The following NCBP3 variants were observed in gnomAD, a reference collection of about 807,000 sequenced individuals.
NCBP3 encodes the protein nuclear cap-binding protein subunit 3.
NCBP3 carries 20 observed loss-of-function variants against 75.7 expected under a neutral mutation model. The ratio of observed to expected loss-of-function variants is 0.26; its 90% confidence interval spans 0.19 to 0.38. NCBP3 has a LOEUF of 0.38. NCBP3 is among the 10% of genes least tolerant of loss of function. The pLI, the probability that NCBP3 is intolerant of heterozygous loss-of-function variation, is 1.00. For missense variants in NCBP3, 678 were observed against 796.9 expected (o/e 0.85, Z 1.80); for synonymous variants, 293 against 290.5 (o/e 1.01, Z -0.09).
At position 3,813,318 on chromosome 17, in the gene NCBP3, G is replaced by A. The variant is rs138432044; in HGVS notation, c.1628-39C>T. 3.1e-5 allele frequency: 50 copies of A among 1,609,418 alleles called. 2 individuals are homozygous for A. In the Middle Eastern group the frequency reaches 6.3e-3, roughly 202 times the overall value. On this transcript the variant is annotated intron_variant, in intron 12 of 12. Coordinates refer to ENST00000389005, the MANE Select transcript of NCBP3 (RefSeq NM_001114118.3). ...ATGGCATTTCACTTTCGCAGTCAGCGCTAAGAACCAGGGTAGCACTGAGGG... is the reference window on the plus strand; with the variant it reads ...ATGGCATTTCACTTTCGCAGTCAGCACTAAGAACCAGGGTAGCACTGAGGG...
rs780748165 is a variant in NCBP3 at position 3,846,193 on chromosome 17, C to G, written c.31G>C (p.Val11Leu). The stretch of plus-strand genomic sequence containing the variant: ...GGCCCCGCCGGGGCCTCCGCCTTCA[C>G]CGACACCCGCAGGCCCCGTACGGCC... MAAVRGLRVS[V>L]KAEAPAGPAL... Residue 11 changes from valine (V) to leucine (L), a missense_variant, in exon 1 of 13, where the codon GTG (valine) becomes CTG (leucine). Val to Leu is a conservative substitution (Grantham distance 32). Transcript: ENST00000389005. This position sits in a 1 kb window ranked among gnomAD's most constrained non-coding sequence, Gnocchi z 4.6. 4.7e-5 allele frequency: 71 copies of G among 1,507,320 alleles called. 1 individual carries two copies. The highest frequency in any genetic ancestry group is 4.4e-5 in the Non-Finnish European group (50 of 1,129,390). The allele number at this position is 1,507,320 out of a possible 1,614,324, so 93.4% of individuals were successfully genotyped here.
At chr17:3,837,158 T>A (rs1365766907) in intron 3 of NCBP3, among the ~76,000 whole-genome samples, 51 of 140,476 alleles carry the variant, frequency 3.6e-4, no homozygotes, top group African/African-American at 8.3e-4. Context: ...AAAAAAAAAA[T>A]AAAAAATAAA....
intron 7 of NCBP3, among the ~76,000 whole-genome samples, chr17:3,823,621 C>T (rs894707661): frequency 3.9e-5 from 6 of 152,046 alleles, no homozygotes; most frequent in African/African-American, 1.4e-4. Flanking sequence ...TGAGGTCTTG[C>T]TATGTTGCCT....
intron 4 of NCBP3, among the ~76,000 whole-genome samples, chr17:3,827,134 A>C (rs2053803384): frequency 6.6e-6 from 1 of 151,658 alleles, no homozygotes; most frequent in African/African-American, 2.4e-5. Flanking sequence ...GAAAAGAAAG[A>C]AAAGGGTAGT....
intron 3 of NCBP3, among the ~76,000 whole-genome samples, chr17:3,834,366 C>T (rs989116171): frequency 3.3e-5 from 5 of 152,122 alleles, no homozygotes; most frequent in African/African-American, 7.2e-5. Flanking sequence ...GATGGTAGAC[C>T]GTGGGCAACT....
Position 3,846,004 on chromosome 17 carries a change from C to G in NCBP3, c.183+37G>C. On this transcript the variant is annotated intron_variant, in intron 1 of 12. Coordinates refer to ENST00000389005, the MANE Select transcript of NCBP3 (RefSeq NM_001114118.3). The surrounding 1 kb of genome is among the most constrained non-coding windows in gnomAD (Gnocchi z 4.6). ...CCCCTCCGGCGCTAGACACTAGCCC[C>G]GCGACCTCTTCCTTACCCCCCGACC... 1.3e-6 allele frequency: 2 copies of G among 1,537,870 alleles called. No homozygotes were observed. Among genetic ancestry groups the G allele is most frequent in the Non-Finnish European group, 1.8e-6 (2 of 1,140,452 alleles).
At chr17:3,842,987 A>C (rs1476032349) in intron 2 of NCBP3, 99 bp downstream of exon 2, 1 of 1,066,872 alleles carries the variant, frequency 9.4e-7, no homozygotes, top group Non-Finnish European at 1.4e-6. Flanking sequence ...ATCCAGCAAC[A>C]AAATAAAAGA....
chr17:3,818,474 C>G lies in NCBP3; in HGVS notation c.1099G>C (p.Asp367His). The G allele has an allele frequency of 6.2e-7, 1 of 1,614,030 alleles. No homozygotes were observed. The highest frequency in any genetic ancestry group is 8.5e-7 in the Non-Finnish European group (1 of 1,180,038). ...TCGTGGTACTCTACCACCACTCTGT[C>G]ATCTGCATCCATGTCCTGGTCTTCT... is the stretch of plus-strand genomic sequence containing the variant. ...EEEDQDMDAD[D>H]RVVVEYHEEL... The change falls in exon 10 of 13, where the codon GAC (aspartate) becomes CAC (histidine). Residue 367 changes from aspartate to histidine, a missense_variant. Asp to His is a moderately conservative substitution (Grantham distance 81). This residue lies in a region of NCBP3 where 365 missense variants were observed against 392.7 expected (regional missense o/e 0.93). Coordinates refer to ENST00000389005, the MANE Select transcript of NCBP3 (RefSeq NM_001114118.3). The surrounding 1 kb of genome is among the most constrained non-coding windows in gnomAD (Gnocchi z 4.7).
intron 3 of NCBP3, among the ~76,000 whole-genome samples, chr17:3,837,992 A>AT (rs370693601): frequency 7.8e-6 from 1 of 128,768 alleles, no homozygotes; most frequent in African/African-American, 2.6e-5. Context: ...AAAAAAAAAA[A>AT]TTTTTTTAAA....
intron 9 of NCBP3, among the ~76,000 whole-genome samples, chr17:3,821,012 AT>A (rs1404242755): frequency 2.6e-5 from 4 of 152,014 alleles, no homozygotes; most frequent in Middle Eastern, 3.2e-3. Flanking sequence ...TTTTGTTTTA[AT>A]TTTTCCTATG....
chr17:3,841,744 G>C (rs2054066905), intron 2 of NCBP3, among the ~76,000 whole-genome samples: 1 of 145,994 alleles, frequency 6.8e-6, no homozygotes. Flanking sequence ...GAGGCAGAGG[G>C]ATCAATTGAA....
In NCBP3 at chr17:3,821,229, A is replaced by G. The variant is rs765993512; in HGVS notation, c.1000+20T>C. 3 of 1,562,852 alleles carry G rather than the reference A, an allele frequency of 1.9e-6. No homozygotes were observed. In the East Asian group the frequency reaches 6.7e-5, roughly 35 times the overall value. On this transcript the variant is annotated intron_variant, in intron 9 of 12. Transcript: ENST00000389005. ...CAGGAGCCAAACATGTGTCTACCCA[A>G]GAGCTGAGCAGGCAACTACCAGAAT...
chr17:3,830,785 A>G (rs985734690), intron 3 of NCBP3, among the ~76,000 whole-genome samples: 1 of 151,374 alleles, frequency 6.6e-6, no homozygotes, highest in Non-Finnish European at 1.5e-5. Context: ...GGGTTTCACC[A>G]TGTTGGTCAG....
At position 3,816,148 on chromosome 17, in the gene NCBP3, CG is replaced by C; in HGVS notation, c.1432del (p.Arg478ValfsTer17). The C allele has an allele frequency of 6.2e-7, 1 of 1,614,034 alleles. No individual in the cohort carries two copies. The highest frequency in any genetic ancestry group is 8.5e-7 in the Non-Finnish European group (1 of 1,179,988). Reference sequence around the variant, plus strand: ...AGTACTGCTGACTGGTGGCCGTGGACGGGAGTGCTGACGTTTCTCATCTAAT... The same window carrying C: ...AGTACTGCTGACTGGTGGCCGTGGACGGAGTGCTGACGTTTCTCATCTAAT... ...HLLDEKRQHS[R>X]PRPPVSSTKS... is the part of the protein sequence containing the mutation. On this transcript the variant is annotated frameshift_variant, in exon 11 of 13. Coordinates refer to ENST00000389005, the MANE Select transcript of NCBP3 (RefSeq NM_001114118.3). LOFTEE classifies it high-confidence loss of function.
rs2053587477 is a variant in NCBP3 at position 3,818,302 on chromosome 17, A to G, written c.1271T>C (p.Met424Thr). The G allele has an allele frequency of 6.2e-7, 1 of 1,613,482 alleles. No individual in the cohort carries two copies. Among genetic ancestry groups the G allele is most frequent in the Non-Finnish European group, 8.5e-7 (1 of 1,179,582 alleles). Residue 424 changes from methionine (M) to threonine (T), a missense_variant, in exon 10 of 13, where the codon ATG becomes ACG. Met to Thr is a moderately conservative substitution (Grantham distance 81, BLOSUM62 -1). This residue lies in a region of NCBP3 where 365 missense variants were observed against 392.7 expected (regional missense o/e 0.93). Coordinates refer to ENST00000389005, the MANE Select transcript of NCBP3 (RefSeq NM_001114118.3). This position sits in a 1 kb window ranked among gnomAD's most constrained non-coding sequence, Gnocchi z 4.7. ...PSPKKSMKMTMYADEVESQLK... is the reference protein window; with the variant it reads ...PSPKKSMKMTTYADEVESQLK... ...CTGAGATTCCACTTCGTCAGCATACATAGTCATTTTCATGCTTTTCTTTGG... is the reference window on the plus strand; with the variant it reads ...CTGAGATTCCACTTCGTCAGCATACGTAGTCATTTTCATGCTTTTCTTTGG...
At chr17:3,826,248 G>T in intron 4 of NCBP3, 33 bp from the exon 5 acceptor site, 1 of 1,514,696 alleles carries the variant, frequency 6.6e-7, no homozygotes, top group South Asian at 1.2e-5. Flanking sequence ...ACATTACACA[G>T]CATGGAAATG....
At chr17:3,826,788 C>T (rs374396222) in intron 4 of NCBP3, among the ~76,000 whole-genome samples, 3 of 151,876 alleles carry the variant, frequency 2.0e-5, no homozygotes, top group East Asian at 1.9e-4. Context: ...CCGAGCCAGG[C>T]GGATCACGAG....
At chr17:3,834,863 C>T (rs1003225314) in intron 3 of NCBP3, among the ~76,000 whole-genome samples, 1 of 152,088 alleles carries the variant, frequency 6.6e-6, no homozygotes, top group African/African-American at 2.4e-5. Flanking sequence ...CCACACTAAC[C>T]TCATTTCTTT....
intron 11 of NCBP3, 131 bp from the exon 12 acceptor site, chr17:3,814,614 A>G: frequency 1.1e-6 from 1 of 878,520 alleles, no homozygotes; most frequent in Non-Finnish European, 1.7e-6. Flanking sequence ...TCAGGCTGCT[A>G]AGTATTCTTC....
Sources: gnomAD v4.1 joint callset for allele counts (sites outside exome capture counted in the v4.1 genomes callset) on GRCh38, gnomAD v4.1.1 for gene constraint, gnomAD v4.1.1 regional missense constraint, Gnocchi (gnomAD v3.1) non-coding constraint, MANE v1.5 for transcripts, NCBI Gene and HGNC (gene_info 2026-07-23, HGNC 2026-07-21) for gene names.